Variants in RABL6 observed in about 807,000 individuals in gnomAD.
RABL6 encodes the protein rab-like protein 6.
Under a neutral mutation model 72.9 loss-of-function variants are expected in RABL6, and 28 were observed. That is an observed-to-expected ratio of 0.38 (90% CI 0.28 to 0.53). RABL6 has a LOEUF of 0.53. Among genes scored for constraint, RABL6 ranks in the 20% least tolerant of loss-of-function variants. The pLI is 0.80. For synonymous variants in RABL6, 477 were observed against 421.2 expected (o/e 1.13, Z -1.62); for missense variants, 1,029 against 1,008.4 (o/e 1.02, Z -0.28).
chr9:136,831,487 GGTCAAGTACCTGCC>G (rs779397568), intron 5 of RABL6, among the ~76,000 whole-genome samples: 27 of 152,142 alleles, frequency 1.8e-4, no homozygotes, highest in Non-Finnish European at 3.4e-4. Flanking sequence ...TGTGGGGTGC[GGTCAAGTACCTGCC>G]GTCAGGGAGA....
At chr9:136,836,326 G>C (rs1848584034) in intron 8 of RABL6, 1 of 154,244 alleles carries the variant, frequency 6.5e-6, no homozygotes, top group African/African-American at 2.4e-5. Context: ...ATAGCCCCGG[G>C]GTTGCGGCCA....
At position 136,808,191 on chromosome 9, in the gene RABL6, G is replaced by A; in HGVS notation, c.-6G>A. On this transcript the variant is annotated 5_prime_UTR_variant, in exon 1 of 15. Coordinates refer to ENST00000311502, the MANE Select transcript of RABL6 (RefSeq NM_024718.5). ...CGCGCCCGGGCTGGGACGTCCGAGC[G>A]GGAAGATGTTTTCCGCCCTGAAGAA... 6.6e-7 allele frequency: 1 copy of A among 1,521,352 alleles called. No homozygotes were observed. The highest frequency in any genetic ancestry group is 8.8e-7 in the Non-Finnish European group (1 of 1,135,608). The allele number at this position is 1,521,352 out of a possible 1,614,324, so 94.2% of individuals were successfully genotyped here. A position where few individuals can be genotyped will look rare whatever the true frequency, so the allele number is the denominator to read the frequency against.
intron 13 of RABL6, 64 bp downstream of exon 13, chr9:136,839,929 C>G: frequency 6.4e-7 from 1 of 1,556,402 alleles, no homozygotes. Flanking sequence ...GGCCTCCTCC[C>G]AGCTGCTGGC....
intron 1 of RABL6, among the ~76,000 whole-genome samples, chr9:136,816,396 C>T (rs561170036): frequency 5.1e-4 from 77 of 152,068 alleles, no homozygotes; most frequent in African/African-American, 1.8e-3. Flanking sequence ...AGAGCCACTG[C>T]GACCAGCCTA....
At chr9:136,823,482 G>T in intron 1 of RABL6, 43 bp from the exon 2 acceptor site, 1 of 1,609,570 alleles carries the variant, frequency 6.2e-7, no homozygotes, top group Non-Finnish European at 8.5e-7. Context: ...GCTTGGGTTC[G>T]GTTCGTTTAA....
intron 1 of RABL6, among the ~76,000 whole-genome samples, chr9:136,819,347 A>G (rs1848192674): frequency 6.6e-6 from 1 of 151,906 alleles, no homozygotes; most frequent in African/African-American, 2.4e-5. Context: ...AAAAAAAGAA[A>G]ACCACCTTGT....
Position 136,808,174 on chromosome 9 carries a change from G to A in RABL6, c.-23G>A. On this transcript the variant is annotated 5_prime_UTR_variant, in exon 1 of 15. Coordinates refer to ENST00000311502, the MANE Select transcript of RABL6 (RefSeq NM_024718.5). ...CCGCTGAGCTCGCCGGCCGCGCCCG[G>A]GCTGGGACGTCCGAGCGGGAAGATG... The A allele has an allele frequency of 3.3e-6, 5 of 1,495,012 alleles. No homozygotes were observed. Among genetic ancestry groups the A allele is most frequent in the Non-Finnish European group, 4.5e-6 (5 of 1,121,150 alleles). 92.6% of individuals were successfully genotyped at this position (1,495,012 alleles called of 1,614,324 possible).
In RABL6 at chr9:136,840,154, G is replaced by A. The variant is rs759395161; in HGVS notation, c.1931G>A (p.Gly644Asp). The change falls in exon 14 of 15, where the codon GGT becomes GAT. Residue 644 changes from glycine to aspartate, a missense_variant and splice_region_variant. By Grantham distance (94) the Gly-to-Asp change is moderately conservative (BLOSUM62 -1). Around this residue, in one of 2 missense-constraint regions of RABL6, gnomAD observed 595 missense variants for 472.4 expected, o/e 1.26. Transcript: ENST00000311502. ...GCCACTGTCTGTCCTGTCTGTGCAG[G>A]TAAGGAGGGCAAAACCCCCTCTAAG... ...EAGPKESSEE[G>D]KEGKTPSKEK... 3 of 1,612,976 alleles carry A rather than the reference G, an allele frequency of 1.9e-6. No homozygotes were observed. The highest frequency in any genetic ancestry group is 4.5e-5 in the East Asian group (2 of 44,852).
At position 136,839,044 on chromosome 9, in the gene RABL6, G is replaced by C. The variant is rs201855651; in HGVS notation, c.1416G>C (p.Glu472Asp). The change falls in exon 11 of 15, where the codon GAG becomes GAC. Residue 472 changes from glutamate (E) to aspartate (D), a missense_variant. Glu to Asp is a conservative substitution (Grantham distance 45). Coordinates refer to ENST00000311502, the MANE Select transcript of RABL6 (RefSeq NM_024718.5). ...VPSQDITLSS[E>D]EEAEVAAPTK... ...GTCAAGACATCACTCTTTCGAGTGAGGAGGAAGCAGAAGTGGCAGCTCCCA... is the reference window on the plus strand; with the variant it reads ...GTCAAGACATCACTCTTTCGAGTGACGAGGAAGCAGAAGTGGCAGCTCCCA... 2,124 of 1,612,520 alleles carry C rather than the reference G, an allele frequency of 1.3e-3. 1 individual carries two copies. The highest frequency in any genetic ancestry group is 1.6e-3 in the Non-Finnish European group (1,882 of 1,179,768).
In RABL6 at chr9:136,818,395, AAAAAAAAAAC is replaced by A. The variant is rs1848168863; in HGVS notation, c.131-5129_131-5120del. Among the ~76,000 whole-genome samples the A allele has an allele frequency of 1.9e-4, 4 of 21,620 alleles. 1 individual carries two copies. The highest frequency in any genetic ancestry group is 3.6e-4 in the Non-Finnish European group (4 of 11,140). The allele number at this position is 21,620 out of a possible 152,430, so 14.2% of individuals were successfully genotyped here. On this transcript the variant is annotated intron_variant, in intron 1 of 14. Coordinates refer to ENST00000311502, the MANE Select transcript of RABL6 (RefSeq NM_024718.5). ...AAAAAAAAAAAAAAAAAAAAAAAAA[AAAAAAAAAAC>A]CAAAGGTAAGCAAAGAAACTGGTAA...
rs1401601244 is a variant in RABL6, at chr9:136,839,681, C to T, written c.1759-13C>T. The stretch of plus-strand genomic sequence containing the variant: ...AGGGATGATGGCCTGACCAGTTGCT[C>T]TCCCTGCTCCAGGATGACTTTCCCG... On this transcript the variant is annotated splice_polypyrimidine_tract_variant and intron_variant, in intron 12 of 14. Transcript: ENST00000311502. 4.5e-6 allele frequency: 7 copies of T among 1,570,114 alleles called. No individual in the cohort carries two copies. The highest frequency in any genetic ancestry group is 4.0e-5 in the African/African-American group (3 of 74,278).
chr9:136,837,232 A>G (rs1308877822), intron 8 of RABL6, 114 bp from the exon 9 acceptor site: 1 of 1,240,304 alleles, frequency 8.1e-7, no homozygotes, highest in Non-Finnish European at 1.2e-6. Flanking sequence ...CGGGTGGCCC[A>G]GAACACAGTG....
At chr9:136,811,329 G>GT (rs1848007022) in intron 1 of RABL6, among the ~76,000 whole-genome samples, 4 of 151,972 alleles carry the variant, frequency 2.6e-5, no homozygotes, top group Admixed American at 2.0e-4. Context: ...AAAAAATTGT[G>GT]TTTTTTTGCC....
chr9:136,812,446 C>G (rs2131155933), intron 1 of RABL6, among the ~76,000 whole-genome samples: 1 of 152,170 alleles, frequency 6.6e-6, no homozygotes, highest in East Asian at 1.9e-4. Context: ...GTAATCCCAG[C>G]TACTCGGGAG....
chr9:136,817,158 G>A (rs754954684), intron 1 of RABL6, among the ~76,000 whole-genome samples: 46 of 134,956 alleles, frequency 3.4e-4, no homozygotes, highest in Non-Finnish European at 5.2e-4. Context: ...GAAGCAGCAC[G>A]AGAAGCAGCA....
In RABL6 at chr9:136,807,988, G is replaced by A. The variant is rs1399892232; in HGVS notation, c.-209G>A. The A allele has an allele frequency of 1.1e-5, 11 of 1,009,724 alleles. No homozygotes were observed. The African/African-American group carries it at 1.2e-4, about 11-fold the overall frequency. The allele number at this position is 1,009,724 out of a possible 1,614,324, so 62.5% of individuals were successfully genotyped here. A position where few individuals can be genotyped will look rare whatever the true frequency, so the allele number is the denominator to read the frequency against. The stretch of plus-strand genomic sequence containing the variant: ...CTCCTGGAGAGCGGTCGCGCCGGAG[G>A]CCGCGGGGGCCGGAGCGGAGCAGCC... On this transcript the variant is annotated 5_prime_UTR_variant, in exon 1 of 15. Transcript: ENST00000311502.
chr9:136,812,255 G>A (rs952385469), intron 1 of RABL6, among the ~76,000 whole-genome samples: 13 of 152,184 alleles, frequency 8.5e-5, no homozygotes, highest in Non-Finnish European at 8.8e-5. Flanking sequence ...ACACTGGTGC[G>A]AATTTAGAAA....
chr9:136,831,724 C>T lies in RABL6; in HGVS notation c.462C>T (p.Thr154=), dbSNP rs997505362. 3 of 1,613,228 alleles carry T rather than the reference C, an allele frequency of 1.9e-6. No homozygotes were observed. The highest frequency in any genetic ancestry group is 1.7e-6 in the Non-Finnish European group (2 of 1,179,798). ...VMMFDITKQW[T]FNYILRELPK... ...AGGTCCTCACCTGTTCTCCGAGGAC[C>T]TTCAATTACATTCTCCGGGAGCTTC... The change falls in exon 6 of 15, where the codon ACC becomes ACT. Residue 154 remains threonine (T), a synonymous_variant. Coordinates refer to ENST00000311502, the MANE Select transcript of RABL6 (RefSeq NM_024718.5).
At chr9:136,831,911 T>C (rs749337064) in intron 6 of RABL6, 50 bp downstream of exon 6, 14 of 1,560,550 alleles carry the variant, frequency 9.0e-6, no homozygotes, top group Non-Finnish European at 1.2e-5. Flanking sequence ...TGCTCCGGTG[T>C]GCGGGGGAGG....
Sources: gnomAD v4.1 joint callset for allele counts (sites outside exome capture counted in the v4.1 genomes callset) on GRCh38, gnomAD v4.1.1 for gene constraint, gnomAD v4.1.1 regional missense constraint, MANE v1.5 for transcripts, NCBI Gene and HGNC (gene_info 2026-07-23, HGNC 2026-07-21) for gene names.